TTC1: variants seen among roughly 807,000 people sequenced by gnomAD.
The protein encoded by TTC1 is tetratricopeptide repeat protein 1.
In TTC1, 31 loss-of-function variants were observed where a neutral mutation model predicts 37.6. The ratio of observed to expected loss-of-function variants is 0.82; its 90% CI spans 0.62 to 1.11. The LOEUF (loss-of-function observed/expected upper bound fraction) is 1.11. Ranked by LOEUF, TTC1 falls within the 50% of genes most tolerant of loss-of-function variation. The pLI, the probability that TTC1 is intolerant of heterozygous loss-of-function variation, is 0.00. For missense variants in TTC1, 351 were observed against 339.0 expected, an observed-to-expected ratio of 1.04 and a Z score of -0.28; for synonymous variants, 127 against 122.4, an observed-to-expected ratio of 1.04 and a Z score of -0.25.
chr5:160,062,682 T>C (rs1753456894), intron 7 of TTC1, among the ~76,000 whole-genome samples: 1 of 152,208 alleles, frequency 6.6e-6, no homozygotes, highest in Non-Finnish European at 1.5e-5. Context: ...TTCTCCACCA[T>C]GGAGCTGCCC....
intron 6 of TTC1, among the ~76,000 whole-genome samples, 198 bp from the exon 7 acceptor site, chr5:160,050,931 A>G (rs1331239060): frequency 1.3e-5 from 2 of 151,490 alleles, no homozygotes; most frequent in Non-Finnish European, 2.9e-5. Context: ...TGGCCCAAAC[A>G]GAACTTTTGT....
At chr5:160,027,617 T>A (rs1039019932) in intron 2 of TTC1, among the ~76,000 whole-genome samples, 7 of 152,240 alleles carry the variant, frequency 4.6e-5, no homozygotes, top group Middle Eastern at 3.2e-3. Flanking sequence ...TACTGTCATT[T>A]CCTCCAGCCT....
intron 2 of TTC1, among the ~76,000 whole-genome samples, chr5:160,034,585 A>T (rs1447121362): frequency 1.3e-5 from 2 of 152,178 alleles, no homozygotes; most frequent in African/African-American, 4.8e-5. Context: ...TTTCACAGAA[A>T]ATAATAGCTT....
intron 7 of TTC1, among the ~76,000 whole-genome samples, chr5:160,055,396 A>G (rs968013799): frequency 9.9e-5 from 15 of 152,228 alleles, no homozygotes; most frequent in Non-Finnish European, 1.5e-5. Flanking sequence ...AGCCCTACCC[A>G]GGCAGCTTTA....
intron 2 of TTC1, chr5:160,023,972 G>A: frequency 6.4e-7 from 1 of 1,552,960 alleles, no homozygotes; most frequent in Non-Finnish European, 8.9e-7. Flanking sequence ...AGAGTATTTG[G>A]TCCCACCTGG....
intron 2 of TTC1, among the ~76,000 whole-genome samples, chr5:160,017,762 G>C (rs1272605437): frequency 2.6e-5 from 4 of 152,192 alleles, no homozygotes; most frequent in African/African-American, 9.7e-5. Context: ...TCATTAAATA[G>C]CTGTTGAATG....
intron 2 of TTC1, among the ~76,000 whole-genome samples, chr5:160,014,674 G>A (rs59756397): frequency 0.037 from 5,571 of 152,232 alleles, 136 homozygotes; most frequent in East Asian, 0.12. Flanking sequence ...CTGCACCCCA[G>A]CCTGTGCAAC....
intron 5 of TTC1, among the ~76,000 whole-genome samples, chr5:160,045,153 GAA>G: frequency 6.6e-6 from 1 of 152,158 alleles, no homozygotes; most frequent in South Asian, 2.1e-4. Context: ...ACCAAATGGT[GAA>G]AAAATGCCTT....
intron 2 of TTC1, among the ~76,000 whole-genome samples, chr5:160,034,303 C>T (rs11135088): frequency 0.16 from 24,890 of 152,070 alleles, 2,253 homozygotes; most frequent in East Asian, 0.27. Flanking sequence ...ACTCAGCATG[C>T]GTCTACTTTG....
At chr5:160,042,401 T>C (rs1757115412) in intron 4 of TTC1, among the ~76,000 whole-genome samples, 1 of 152,232 alleles carries the variant, frequency 6.6e-6, no homozygotes, top group East Asian at 1.9e-4. Flanking sequence ...ATGGACATTT[T>C]AGACCTGCAA....
chr5:160,044,763 C>T (rs1345915745), intron 5 of TTC1, among the ~76,000 whole-genome samples: 1 of 152,174 alleles, frequency 6.6e-6, no homozygotes, highest in African/African-American at 2.4e-5. Context: ...CATCCTGTGA[C>T]TAAGAATGCC....
chr5:160,049,068 T>G (rs750075426), intron 5 of TTC1, among the ~76,000 whole-genome samples: 6 of 152,250 alleles, frequency 3.9e-5, no homozygotes, highest in Non-Finnish European at 7.3e-5. Context: ...GACCAGGATA[T>G]GGCAAACTAC....
intron 5 of TTC1, among the ~76,000 whole-genome samples, chr5:160,048,026 C>T (rs984399313): frequency 2.0e-5 from 3 of 147,300 alleles, no homozygotes; most frequent in African/African-American, 5.1e-5. Flanking sequence ...CTACATTGGA[C>T]GTATATATTA....
At chr5:160,045,454 C>CCACCCACACACA (rs1757191531) in intron 5 of TTC1, among the ~76,000 whole-genome samples, 1 of 38,878 alleles carries the variant, frequency 2.6e-5, no homozygotes, top group Non-Finnish European at 4.8e-5. Context: ...CCCCCACCCT[C>CCACCCACACACA]CACACACACA....
intron 4 of TTC1, among the ~76,000 whole-genome samples, chr5:160,041,285 A>C (rs1441587916): frequency 4.0e-5 from 6 of 151,758 alleles, no homozygotes; most frequent in Non-Finnish European, 8.8e-5. Flanking sequence ...TTTATTATCA[A>C]GTATTATGTA....
chr5:160,038,049 T>C (rs1581103131), intron 4 of TTC1, among the ~76,000 whole-genome samples: 1 of 151,642 alleles, frequency 6.6e-6, no homozygotes, highest in African/African-American at 2.4e-5. Flanking sequence ...GTTGCGGGGG[T>C]GGGTGCTTGA....
intron 2 of TTC1, among the ~76,000 whole-genome samples, chr5:160,022,405 G>T (rs551054615): frequency 1.3e-5 from 2 of 152,056 alleles, no homozygotes; most frequent in Non-Finnish European, 2.9e-5. Context: ...GGATTTTTGG[G>T]TTTTTTGGAG....
chr5:160,058,046 C>T (rs571002162), intron 7 of TTC1, among the ~76,000 whole-genome samples: 54 of 152,314 alleles, frequency 3.5e-4, no homozygotes, highest in African/African-American at 1.1e-3. Context: ...GGATTATAGG[C>T]GTGAGCCACT....
intron 1 of TTC1, among the ~76,000 whole-genome samples, chr5:160,009,850 A>G (rs1443524418): frequency 2.6e-5 from 4 of 152,114 alleles, no homozygotes; most frequent in Admixed American, 6.5e-5. Context: ...GGTTAAAGTG[A>G]TCACAATTTT....
Sources: allele counts gnomAD v4.1 joint callset (sites outside exome capture counted in the v4.1 genomes callset), GRCh38; gene constraint gnomAD v4.1.1; transcripts MANE v1.5; gene names NCBI Gene and HGNC (gene_info 2026-07-23, HGNC 2026-07-21).